The following KHDRBS2 variants were observed in gnomAD, a reference collection of about 807,000 sequenced individuals.
KHDRBS2 encodes KH RNA binding domain containing, signal transduction associated 2.
A neutral mutation model predicts 44.3 loss-of-function variants in KHDRBS2; 26 were observed. That is an observed-to-expected ratio of 0.59 (90% CI 0.43 to 0.81). KHDRBS2 has a LOEUF of 0.81. Ranked by LOEUF, KHDRBS2 falls within the 40% of genes least tolerant of loss-of-function variation. The probability of loss-of-function intolerance (pLI) is 0.00; values close to 1 mark genes in which losing one functional copy is unlikely to be tolerated. For missense variants in KHDRBS2, 476 were observed against 433.1 expected (o/e 1.10, Z -0.88); for synonymous variants, 194 against 151.1 (o/e 1.28, Z -2.08).
intron 6 of KHDRBS2, among the ~76,000 whole-genome samples, chr6:61,874,065 G>A (rs1175456459): frequency 6.6e-6 from 1 of 151,974 alleles, no homozygotes; most frequent in African/African-American, 2.4e-5. Context: ...TAAAAATAGT[G>A]AAAGCTACTG....
At chr6:62,200,447 A>G (rs933651663) in intron 1 of KHDRBS2, among the ~76,000 whole-genome samples, 1 of 152,226 alleles carries the variant, frequency 6.6e-6, no homozygotes, top group Non-Finnish European at 1.5e-5. Context: ...ACACTTCTCA[A>G]AGGAAGACAT....
intron 2 of KHDRBS2, among the ~76,000 whole-genome samples, chr6:62,153,869 T>G (rs1815777889): frequency 6.6e-6 from 1 of 152,204 alleles, no homozygotes; most frequent in Admixed American, 6.5e-5. Flanking sequence ...CACAGTATGA[T>G]TTTAACAGGA....
chr6:62,266,478 A>AT (rs1839220706), intron 1 of KHDRBS2, among the ~76,000 whole-genome samples: 2 of 152,036 alleles, frequency 1.3e-5, no homozygotes, highest in Non-Finnish European at 2.9e-5. Flanking sequence ...TTACCTTCTA[A>AT]AGTTTCCCAG....
intron 6 of KHDRBS2, chr6:61,816,733 G>C: frequency 2.6e-6 from 1 of 389,308 alleles, no homozygotes; most frequent in Non-Finnish European, 5.2e-6. Flanking sequence ...CTAAAATGTA[G>C]AATGCCATAT....
chr6:62,031,637 A>T (rs1025365020), intron 3 of KHDRBS2, among the ~76,000 whole-genome samples: 1 of 152,110 alleles, frequency 6.6e-6, no homozygotes, highest in African/African-American at 2.4e-5. Context: ...GGCAGTGGCC[A>T]TGGGTAAGGC....
intron 1 of KHDRBS2, among the ~76,000 whole-genome samples, chr6:62,181,080 A>C (rs1188243991): frequency 6.6e-6 from 1 of 151,976 alleles, no homozygotes; most frequent in Admixed American, 6.6e-5. Context: ...ATAAGACCAG[A>C]AATTGTAAGA....
chr6:61,626,972 G>C, the KHDRBS2 span, among the ~76,000 whole-genome samples: 1 of 151,960 alleles, frequency 6.6e-6, no homozygotes, highest in African/African-American at 2.4e-5. Context: ...ATTTGGCTGG[G>C]GCCGGGCGCG....
At chr6:62,240,203 T>A (rs566919293) in intron 1 of KHDRBS2, among the ~76,000 whole-genome samples, 1 of 152,298 alleles carries the variant, frequency 6.6e-6, no homozygotes, top group Admixed American at 6.5e-5. Context: ...ATCTATTTAC[T>A]CAAGTTGCTC....
the KHDRBS2 span, among the ~76,000 whole-genome samples, chr6:61,656,299 A>C: frequency 6.6e-6 from 1 of 152,004 alleles, no homozygotes; most frequent in Non-Finnish European, 1.5e-5. Context: ...CTTCTCTGGC[A>C]GGCACTTTTT....
At chr6:62,239,716 T>C (rs943356638) in intron 1 of KHDRBS2, among the ~76,000 whole-genome samples, 1 of 152,142 alleles carries the variant, frequency 6.6e-6, no homozygotes, top group Non-Finnish European at 1.5e-5. Context: ...GATGGAGCCT[T>C]GCTCTGTCAC....
chr6:61,576,618 A>G, the KHDRBS2 span, among the ~76,000 whole-genome samples: 9 of 152,150 alleles, frequency 5.9e-5, no homozygotes, highest in African/African-American at 2.2e-4. Context: ...TAATTAACAC[A>G]TTTATTCAAA....
chr6:61,805,075 G>A (rs1351530384), intron 6 of KHDRBS2, among the ~76,000 whole-genome samples: 3 of 152,032 alleles, frequency 2.0e-5, no homozygotes, highest in Admixed American at 6.6e-5. Flanking sequence ...CATAAGTTCC[G>A]ATTCCAAACC....
intron 7 of KHDRBS2, 127 bp from the exon 8 acceptor site, chr6:61,697,380 A>G (rs1275540018): frequency 1.8e-5 from 12 of 656,058 alleles, no homozygotes; most frequent in Non-Finnish European, 3.0e-5. Context: ...CATAAAACAC[A>G]ATCCTAAATA....
chr6:61,946,031 G>T (rs1025968532), intron 4 of KHDRBS2, among the ~76,000 whole-genome samples: 4 of 152,138 alleles, frequency 2.6e-5, no homozygotes, highest in Admixed American at 2.6e-4. Context: ...AAGAGAGAGA[G>T]TAATGAGAGA....
At chr6:61,713,355 G>A (rs1770846691) in intron 7 of KHDRBS2, among the ~76,000 whole-genome samples, 1 of 151,542 alleles carries the variant, frequency 6.6e-6, no homozygotes, top group Admixed American at 6.6e-5. Context: ...AATAATATCT[G>A]TATCTTCTTT....
At chr6:61,769,934 C>G (rs1400897811) in intron 6 of KHDRBS2, among the ~76,000 whole-genome samples, 5 of 152,136 alleles carry the variant, frequency 3.3e-5, no homozygotes, top group Non-Finnish European at 5.9e-5. Flanking sequence ...GGAGGCACCC[C>G]CCAGTAGGGG....
chr6:61,741,546 G>T (rs764028968), intron 6 of KHDRBS2, among the ~76,000 whole-genome samples: 3 of 151,864 alleles, frequency 2.0e-5, no homozygotes, highest in Non-Finnish European at 4.4e-5. Context: ...TTTTGCTGCG[G>T]TTTGGGGTAT....
At chr6:62,173,784 A>T (rs1236523473) in intron 2 of KHDRBS2, among the ~76,000 whole-genome samples, 7 of 152,168 alleles carry the variant, frequency 4.6e-5, no homozygotes, top group Admixed American at 3.3e-4. Context: ...AATAAATGTG[A>T]TTATTCACAC....
chr6:61,559,082 T>C, the KHDRBS2 span, among the ~76,000 whole-genome samples: 5 of 152,166 alleles, frequency 3.3e-5, no homozygotes, highest in African/African-American at 2.4e-5. Context: ...ATTTGTTTTA[T>C]ATATGTGGGT....
Sources: gnomAD v4.1 joint callset for allele counts (sites outside exome capture counted in the v4.1 genomes callset) on GRCh38, gnomAD v4.1.1 for gene constraint, MANE v1.5 for transcripts, NCBI Gene and HGNC (gene_info 2026-07-23, HGNC 2026-07-21) for gene names.